Variants in DOCK3 observed in about 807,000 individuals in gnomAD.
The protein encoded by DOCK3 is dedicator of cytokinesis protein 3.
DOCK3 carries 60 observed loss-of-function variants against 265.6 expected under a neutral mutation model. The observed-to-expected ratio is 0.23, with a 90% CI of 0.18 to 0.28. The LOEUF (loss-of-function observed/expected upper bound fraction) is 0.28, where lower values mean the gene tolerates loss of function less well. Ranked by LOEUF, DOCK3 falls within the 10% of genes least tolerant of loss-of-function variation. The pLI is 1.00. For synonymous variants in DOCK3, 881 were observed against 938.0 expected (o/e 0.94, Z 1.11); for missense variants, 1,981 against 2,594.3 (o/e 0.76, Z 5.14).
chr3:50,968,055 C>G (rs1266959429), intron 5 of DOCK3, among the ~76,000 whole-genome samples: 5 of 152,110 alleles, frequency 3.3e-5, no homozygotes, highest in Admixed American at 3.3e-4. Context: ...TTATATTAAC[C>G]ATTCTAACTG....
intron 4 of DOCK3, among the ~76,000 whole-genome samples, chr3:50,920,011 G>A (rs981568416): frequency 7.2e-5 from 11 of 152,180 alleles, no homozygotes; most frequent in Admixed American, 1.3e-4. Flanking sequence ...AGATAGTCAT[G>A]TGGTTTTTGT....
chr3:51,016,663 T>C (rs1412376693), intron 5 of DOCK3, among the ~76,000 whole-genome samples: 3 of 94,132 alleles, frequency 3.2e-5, no homozygotes, highest in Non-Finnish European at 5.7e-5. Context: ...TTATATATAT[T>C]ATATGATATA....
intron 27 of DOCK3, among the ~76,000 whole-genome samples, chr3:51,285,753 C>T (rs1183439155): frequency 2.6e-5 from 4 of 151,762 alleles, no homozygotes; most frequent in African/African-American, 7.3e-5. Flanking sequence ...GCCAACATAG[C>T]GAAACCCCGT....
At chr3:50,679,091 GC>G (rs2034201357) in intron 1 of DOCK3, among the ~76,000 whole-genome samples, 1 of 152,190 alleles carries the variant, frequency 6.6e-6, no homozygotes, top group African/African-American at 2.4e-5. Flanking sequence ...GGGATTACAG[GC>G]ATGAACCACT....
chr3:51,232,875 G>A (rs2078185618), intron 19 of DOCK3, among the ~76,000 whole-genome samples: 1 of 152,122 alleles, frequency 6.6e-6, no homozygotes, highest in Admixed American at 6.5e-5. Flanking sequence ...CATTTATTGA[G>A]TATGGAGTCC....
chr3:51,332,928 T>C lies in DOCK3; in HGVS notation c.3489-73T>C, dbSNP rs148208307. 2.2e-4 allele frequency: 345 copies of C among 1,595,990 alleles called. 1 individual carries two copies. The East Asian group carries it at 7.6e-3, about 35-fold the overall frequency. On this transcript the variant is annotated intron_variant, in intron 33 of 52. Transcript: ENST00000266037. ...ATCCTTAGGAACTTGTACATGGAAA[T>C]AGAAGATGTGTTTTCATTTGTTGCT... is the stretch of plus-strand genomic sequence containing the variant.
chr3:50,940,369 A>G (rs2076257114), intron 5 of DOCK3, among the ~76,000 whole-genome samples: 3 of 152,164 alleles, frequency 2.0e-5, no homozygotes, highest in Middle Eastern at 3.4e-3. Flanking sequence ...CAAGATCTGT[A>G]TATTGAAAAC....
At chr3:51,282,968 A>C (rs529704148) in intron 27 of DOCK3, among the ~76,000 whole-genome samples, 3 of 152,232 alleles carry the variant, frequency 2.0e-5, no homozygotes, top group African/African-American at 7.2e-5. Flanking sequence ...ATCCACCAAC[A>C]TAGTAAAAGA....
intron 2 of DOCK3, among the ~76,000 whole-genome samples, chr3:50,823,177 T>TA (rs1176887778): frequency 6.6e-6 from 1 of 152,016 alleles, no homozygotes; most frequent in African/African-American, 2.4e-5. Context: ...TATTTTTTTT[T>TA]ATTGATCATT....
chr3:51,199,661 C>T (rs2088576762), intron 12 of DOCK3, among the ~76,000 whole-genome samples: 2 of 152,346 alleles, frequency 1.3e-5, no homozygotes, highest in South Asian at 2.1e-4. Flanking sequence ...TTAAATGTCC[C>T]TGTCTGACAG....
chr3:50,707,705 G>T (rs1297375118), intron 1 of DOCK3, among the ~76,000 whole-genome samples: 1 of 152,140 alleles, frequency 6.6e-6, no homozygotes, highest in Non-Finnish European at 1.5e-5. Context: ...GGGCCTTCTG[G>T]TGTCATGCTC....
intron 2 of DOCK3, among the ~76,000 whole-genome samples, chr3:50,805,066 C>T (rs1019199159): frequency 1.3e-5 from 2 of 151,872 alleles, no homozygotes; most frequent in Non-Finnish European, 2.9e-5. Flanking sequence ...TTGTAGGTGA[C>T]GTGTTTTCTT....
At chr3:51,101,658 CCTG>C (rs1277627807) in intron 9 of DOCK3, among the ~76,000 whole-genome samples, 1 of 152,178 alleles carries the variant, frequency 6.6e-6, no homozygotes, top group African/African-American at 2.4e-5. Flanking sequence ...TGTTACAGAG[CCTG>C]CTATGAGCTG....
chr3:50,794,932 G>A (rs933850678), intron 2 of DOCK3, among the ~76,000 whole-genome samples: 1 of 152,076 alleles, frequency 6.6e-6, no homozygotes, highest in Admixed American at 6.6e-5. Flanking sequence ...TGAGGGTAAC[G>A]AATTTCCTCA....
intron 23 of DOCK3, among the ~76,000 whole-genome samples, chr3:51,265,199 G>A (rs1418347790): frequency 6.6e-6 from 1 of 152,102 alleles, no homozygotes; most frequent in African/African-American, 2.4e-5. Flanking sequence ...CTGAAATTGA[G>A]GTAGAAATTA....
At chr3:50,716,156 C>T (rs1234133177) in intron 1 of DOCK3, among the ~76,000 whole-genome samples, 1 of 151,870 alleles carries the variant, frequency 6.6e-6, no homozygotes, top group African/African-American at 2.4e-5. Context: ...CCAGATGAAT[C>T]CTGTAGAATA....
At chr3:50,811,375 G>T (rs2043747196) in intron 2 of DOCK3, among the ~76,000 whole-genome samples, 1 of 152,074 alleles carries the variant, frequency 6.6e-6, no homozygotes, top group Admixed American at 6.6e-5. Flanking sequence ...CTGCACTCCA[G>T]CCTGTGTGAC....
At chr3:51,039,187 G>A (rs2080386333) in intron 5 of DOCK3, among the ~76,000 whole-genome samples, 1 of 152,038 alleles carries the variant, frequency 6.6e-6, no homozygotes, top group South Asian at 2.1e-4. Context: ...GTAGAGATGA[G>A]GTTTCACTAT....
chr3:51,203,587 G>T (rs559458827), intron 12 of DOCK3, among the ~76,000 whole-genome samples: 1 of 152,146 alleles, frequency 6.6e-6, no homozygotes. Flanking sequence ...TGGCCATACT[G>T]CCCAAGGTAA....
Sources: allele counts gnomAD v4.1 joint callset (sites outside exome capture counted in the v4.1 genomes callset), GRCh38; gene constraint gnomAD v4.1.1; transcripts MANE v1.5; gene names NCBI Gene and HGNC (gene_info 2026-07-23, HGNC 2026-07-21).